The following SLC30A10 variants were observed in gnomAD, a reference collection of about 807,000 sequenced individuals.
The protein encoded by SLC30A10 is solute carrier family 30 member 10.
A neutral mutation model predicts 21.7 loss-of-function variants in SLC30A10; 8 were observed. That is an observed-to-expected ratio of 0.37 (90% confidence interval 0.22 to 0.67). The LOEUF (loss-of-function observed/expected upper bound fraction) is 0.67, where lower values mean the gene tolerates loss of function less well. SLC30A10 is among the 30% of genes least tolerant of loss of function. The pLI is 0.58. For synonymous variants in SLC30A10, 272 were observed against 279.4 expected (o/e 0.97, Z 0.26); for missense variants, 521 against 642.5 (o/e 0.81, Z 2.04).
At chr1:219,938,333 C>T (rs904765761) in intron 1 of SLC30A10, among the ~76,000 whole-genome samples, 1 of 152,218 alleles carries the variant, frequency 6.6e-6, no homozygotes, top group Non-Finnish European at 1.5e-5. Context: ...TCCATGAGGG[C>T]GCCTCCAAAG....
chr1:219,936,937 C>G (rs1183960351), intron 1 of SLC30A10, among the ~76,000 whole-genome samples: 1 of 152,108 alleles, frequency 6.6e-6, no homozygotes, highest in Non-Finnish European at 1.5e-5. Flanking sequence ...TGATGCTCAC[C>G]AACAGTCTTT....
At chr1:219,922,176 G>GTTTTTTTTTTTTTTTTT (rs869249213) in intron 2 of SLC30A10, among the ~76,000 whole-genome samples, 6 of 36,408 alleles carry the variant, frequency 1.6e-4, no homozygotes, top group Admixed American at 3.7e-4. Context: ...GTGTGTGTGT[G>GTTTTTTTTTTTTTTTTT]TTTTTTTTTT....
chr1:219,915,656 G>A lies in SLC30A10; in HGVS notation c.1251C>T (p.Pro417=), dbSNP rs754692918. ...KGCAKQLCCP[P]GALPLAHVNG... ...TGACGTGAGCCAGAGGCAGTGCCCC[G>A]GGGGGACAACACAGCTGCTTAGCAC... Residue 417 remains proline (P), a synonymous_variant, in exon 4 of 4, where the codon CCC becomes CCT. Transcript: ENST00000366926. The A allele has an allele frequency of 1.9e-6, 3 of 1,614,210 alleles. No individual in the cohort carries two copies. The highest frequency in any genetic ancestry group is 2.5e-6 in the Non-Finnish European group (3 of 1,180,044).
In SLC30A10 at chr1:219,918,702, C is replaced by T; in HGVS notation, c.719-208G>A. On this transcript the variant is annotated intron_variant, in intron 2 of 3. Coordinates refer to ENST00000366926, the MANE Select transcript of SLC30A10 (RefSeq NM_018713.3). This position sits in a 1 kb window ranked among gnomAD's most constrained non-coding sequence, Gnocchi z 4.4. ...GGCCACCATCGCAGGACTCAGAGTA[C>T]CTTGGAAGAGCAACAGCCTAGGAAG... 2.0e-6 allele frequency: 1 copy of T among 508,362 alleles called. No homozygotes were observed. Among genetic ancestry groups the T allele is most frequent in the East Asian group, 3.3e-5 (1 of 30,148 alleles). 31.5% of individuals were successfully genotyped at this position (508,362 alleles called of 1,614,324 possible).
intron 3 of SLC30A10, 51 bp from the exon 4 acceptor site, chr1:219,915,999 C>A: frequency 6.4e-7 from 1 of 1,572,328 alleles, no homozygotes; most frequent in Non-Finnish European, 8.6e-7. Flanking sequence ...GCATTTGAAA[C>A]ATGGAACTAC....
Position 219,928,030 on chromosome 1 carries a change from G to A in SLC30A10, c.411C>T (p.Cys137=), listed in dbSNP as rs1490027663. 1 of 1,580,254 alleles carries A rather than the reference G, an allele frequency of 6.3e-7. No individual in the cohort carries two copies. The highest frequency in any genetic ancestry group is 8.6e-7 in the Non-Finnish European group (1 of 1,164,968). ...NVVGLLIFQD[C]AAWFACCLRG... ...GGAGGCAGCACGCGAACCAGGCGGC[G>A]CAGTCCTGGAAGATGAGCAGCCCCA... Residue 137 remains cysteine (C), a synonymous_variant, in exon 1 of 4, where the codon TGC becomes TGT. Transcript: ENST00000366926. The surrounding 1 kb of genome is among the most constrained non-coding windows in gnomAD (Gnocchi z 6.3).
intron 1 of SLC30A10, among the ~76,000 whole-genome samples, chr1:219,934,044 A>G (rs1660007648): frequency 6.6e-6 from 1 of 152,048 alleles, no homozygotes; most frequent in African/African-American, 2.4e-5. Context: ...ATCCCAGCAC[A>G]TTGGAAGGCC....
In SLC30A10 at chr1:219,957,551, AT is replaced by A. The variant is rs201763905; in HGVS notation, n.80+1016del. Among the ~76,000 whole-genome samples, 980 of 152,314 alleles carry A rather than the reference AT, an allele frequency of 6.4e-3. 12 individuals carry two copies. Among genetic ancestry groups the A allele is most frequent in the Middle Eastern group, 0.01 (3 of 294 alleles). Reference sequence around the variant, plus strand: ...TGCATTGTGATTTCGAAAATAATTTATATTTATCAAGTGCCTACTAAATACT... The same window carrying A: ...TGCATTGTGATTTCGAAAATAATTTAATTTATCAAGTGCCTACTAAATACT... On this transcript the variant is annotated intron_variant and non_coding_transcript_variant, in intron 1 of 8. Coordinates refer to the SLC30A10 transcript ENST00000484239.
intron 2 of SLC30A10, among the ~76,000 whole-genome samples, chr1:219,922,174 GTGTTTTTTTTTTTTTTTTTTTTT>G: frequency 5.5e-5 from 1 of 18,234 alleles, no homozygotes; most frequent in South Asian, 2.0e-3. Flanking sequence ...GTGTGTGTGT[GTGTTTTTTTTTTTTTTTTTTTTT>G]TTTTTTTTTT....
intron 1 of SLC30A10, among the ~76,000 whole-genome samples, chr1:219,956,713 G>T (rs946871924): frequency 1.3e-5 from 2 of 151,174 alleles, no homozygotes; most frequent in African/African-American, 4.9e-5. Flanking sequence ...TATGGTTGGA[G>T]TGAAACATTT....
chr1:219,932,986 G>C (rs1659990834), upstream of SLC30A10, among the ~76,000 whole-genome samples: 1 of 151,282 alleles, frequency 6.6e-6, no homozygotes, highest in African/African-American at 2.4e-5. Context: ...GCTTGCACCT[G>C]GGAGGCAGAG....
rs1659504131 is a variant in SLC30A10, at chr1:219,915,228, C to CA, written c.*220dup. 1 of 583,016 alleles carries CA rather than the reference C, an allele frequency of 1.7e-6. No individual in the cohort carries two copies. Among genetic ancestry groups the CA allele is most frequent in the Admixed American group, 3.1e-5 (1 of 32,176 alleles). 36.1% of individuals were successfully genotyped at this position (583,016 alleles called of 1,614,324 possible). A position where few individuals can be genotyped will look rare whatever the true frequency, so the allele number is the denominator to read the frequency against. Reference sequence around the variant, plus strand: ...AAATGCATGTTCAAGCTGAAACAGTCAAAGAGCAGCATGAGACACCCAGGG... The same window carrying CA: ...AAATGCATGTTCAAGCTGAAACAGTCAAAAGAGCAGCATGAGACACCCAGGG... On this transcript the variant is annotated 3_prime_UTR_variant, in exon 4 of 4. Transcript: ENST00000366926.
Position 219,913,917 on chromosome 1 carries a change from A to C in SLC30A10, c.*1532T>G, listed in dbSNP as rs913138674. On this transcript the variant is annotated 3_prime_UTR_variant, in exon 4 of 4. Coordinates refer to ENST00000366926, the MANE Select transcript of SLC30A10 (RefSeq NM_018713.3). ...CAACATAGCGAGACCCTGTCTCTACAAAAAAAGAAAAAAATAATAATTTCC... is the reference window on the plus strand; with the variant it reads ...CAACATAGCGAGACCCTGTCTCTACCAAAAAAGAAAAAAATAATAATTTCC... 1 of 152,124 alleles carries C rather than the reference A, an allele frequency of 6.6e-6. No homozygotes were observed. 9.4% of individuals were successfully genotyped at this position (152,124 alleles called of 1,614,324 possible). A position where few individuals can be genotyped will look rare whatever the true frequency, so the allele number is the denominator to read the frequency against.
rs765686275 is a variant in SLC30A10 at position 219,918,300 on chromosome 1, T to C, written c.913A>G (p.Ile305Val). ...CCTTTTGGGACCATCTGTAGCAGAATGGCAGCGGTCTCCTTGATAAGCGGG... is the reference window on the plus strand; with the variant it reads ...CCTTTTGGGACCATCTGTAGCAGAACGGCAGCGGTCTCCTTGATAAGCGGG... Reference protein sequence around the residue: ...AFPLIKETAAILLQMVPKGVN... With the variant: ...AFPLIKETAAVLLQMVPKGVN... Residue 305 changes from isoleucine to valine, a missense_variant, in exon 3 of 4, where the codon ATT becomes GTT. Coordinates refer to ENST00000366926, the MANE Select transcript of SLC30A10 (RefSeq NM_018713.3). The surrounding 1 kb of genome is among the most constrained non-coding windows in gnomAD (Gnocchi z 4.4). 2.5e-6 allele frequency: 4 copies of C among 1,614,150 alleles called. No individual in the cohort carries two copies. The highest frequency in any genetic ancestry group is 4.5e-5 in the East Asian group (2 of 44,870).
chr1:219,954,040 G>C (rs1660310424), intron 1 of SLC30A10, among the ~76,000 whole-genome samples: 2 of 151,950 alleles, frequency 1.3e-5, no homozygotes, highest in African/African-American at 4.8e-5. Context: ...TTTGCTACTG[G>C]TAGAGAGACA....
At chr1:219,939,375 T>C (rs1660087494) in intron 1 of SLC30A10, among the ~76,000 whole-genome samples, 1 of 152,212 alleles carries the variant, frequency 6.6e-6, no homozygotes. Context: ...ATTCCATGAC[T>C]GTCCTATCAT....
At chr1:219,924,060 C>CA (rs1659759880) in intron 2 of SLC30A10, among the ~76,000 whole-genome samples, 1 of 152,042 alleles carries the variant, frequency 6.6e-6, no homozygotes, top group Non-Finnish European at 1.5e-5. Flanking sequence ...GACTTCATCT[C>CA]AAAAAACAAA....
chr1:219,911,752 C>T lies in SLC30A10; in HGVS notation c.*3697G>A, dbSNP rs981508627. Reference sequence around the variant, plus strand: ...ATTAATTATTAAAAAGACTATGGGACTTTGGAGAGGCTTTCATTAACATTG... The same window carrying T: ...ATTAATTATTAAAAAGACTATGGGATTTTGGAGAGGCTTTCATTAACATTG... On this transcript the variant is annotated 3_prime_UTR_variant, in exon 4 of 4. Coordinates refer to ENST00000366926, the MANE Select transcript of SLC30A10 (RefSeq NM_018713.3). Among the ~76,000 whole-genome samples the T allele has an allele frequency of 1.3e-5, 2 of 152,042 alleles. No homozygotes were observed. The highest frequency in any genetic ancestry group is 2.9e-5 in the Non-Finnish European group (2 of 68,024).
In SLC30A10 at chr1:219,938,153, T is replaced by C. The variant is rs142630908; in HGVS notation, n.81-11048A>G. On this transcript the variant is annotated intron_variant and non_coding_transcript_variant, in intron 1 of 8. Transcript: ENST00000484239. ...CATGCATCTTTGAGTGGGGCACTTA[T>C]ATCCAAATCTGCTAACAGTGGGGGA... Among the ~76,000 whole-genome samples, 639 of 152,300 alleles carry C rather than the reference T, an allele frequency of 4.2e-3. 14 individuals are homozygous for C. The highest frequency in any genetic ancestry group is 0.033 in the Admixed American group (506 of 15,298).
Sources: gnomAD v4.1 joint callset for allele counts (sites outside exome capture counted in the v4.1 genomes callset) on GRCh38, gnomAD v4.1.1 for gene constraint, Gnocchi (gnomAD v3.1) non-coding constraint, MANE v1.5 for transcripts, NCBI Gene and HGNC (gene_info 2026-07-23, HGNC 2026-07-21) for gene names.